Variants in EIF2AK3 observed in about 807,000 individuals in gnomAD.
The protein encoded by EIF2AK3 is eukaryotic translation initiation factor 2 alpha kinase 3, also known as eukaryotic translation initiation factor 2-alpha kinase 3.
Under a neutral mutation model 113.5 loss-of-function variants are expected in EIF2AK3, and 50 were observed. The ratio of observed to expected loss-of-function variants is 0.44; its 90% CI spans 0.35 to 0.56. The LOEUF (loss-of-function observed/expected upper bound fraction) is 0.56, where lower values mean the gene tolerates loss of function less well. Ranked by LOEUF, EIF2AK3 falls within the 20% of genes least tolerant of loss-of-function variation. The pLI, the probability that EIF2AK3 is intolerant of heterozygous loss-of-function variation, is 0.00. For missense variants in EIF2AK3, 1,185 were observed against 1,378.0 expected (o/e 0.86, Z 2.22); for synonymous variants, 448 against 495.4 (o/e 0.90, Z 1.27).
At chr2:88,627,567 T>C (rs1573432810), upstream of EIF2AK3, 1 of 353,404 alleles carries the variant, frequency 2.8e-6, no homozygotes, top group African/African-American at 2.1e-5. Context: ...TTGGGGAAGG[T>C]GGACTTTCCC....
At chr2:88,558,884 C>A in intron 16 of EIF2AK3, 33 bp downstream of exon 16, 1 of 1,524,982 alleles carries the variant, frequency 6.6e-7, no homozygotes, top group Non-Finnish European at 9.1e-7. Flanking sequence ...AAAGATGATT[C>A]TAAAGAAGAT....
At chr2:88,610,649 T>C (rs531422273) in intron 2 of EIF2AK3, among the ~76,000 whole-genome samples, 95 of 152,376 alleles carry the variant, frequency 6.2e-4, no homozygotes, top group Non-Finnish European at 1.1e-3. Context: ...TGTAAAATGC[T>C]ACTTTTCTCA....
At chr2:88,611,021 A>C (rs1675439956) in intron 2 of EIF2AK3, among the ~76,000 whole-genome samples, 1 of 152,216 alleles carries the variant, frequency 6.6e-6, no homozygotes, top group Non-Finnish European at 1.5e-5. Context: ...ATTGCACTCC[A>C]GCCTGATAAA....
chr2:88,627,496 C>T (rs572888553), upstream of EIF2AK3: 11 of 494,308 alleles, frequency 2.2e-5, no homozygotes, highest in African/African-American at 1.6e-4. Flanking sequence ...GCAAACTTTC[C>T]GCGCGTTTGC....
chr2:88,570,509 G>A (rs1218437991), intron 14 of EIF2AK3, among the ~76,000 whole-genome samples: 1 of 152,218 alleles, frequency 6.6e-6, no homozygotes, highest in Non-Finnish European at 1.5e-5. Flanking sequence ...GGGCAGCTCA[G>A]TATAGTACCT....
At chr2:88,614,015 A>C (rs981165383) in intron 1 of EIF2AK3, among the ~76,000 whole-genome samples, 162 bp from the exon 2 acceptor site, 1 of 152,198 alleles carries the variant, frequency 6.6e-6, no homozygotes, top group Non-Finnish European at 1.5e-5. Context: ...GGACCAAGAC[A>C]ATTTCAATAT....
rs182582042 is a variant in EIF2AK3, at chr2:88,588,933, T to C, written c.1166-32A>G. The C allele has an allele frequency of 2.4e-4, 388 of 1,609,996 alleles. 3 individuals carry two copies. In the African/African-American group the frequency reaches 4.0e-3, roughly 17 times the overall value. ...CAACCAGAACATTGTCAATTATGCA[T>C]TGATTTTTTTAAAAAGGTTTTTTTA... On this transcript the variant is annotated intron_variant, in intron 6 of 16. Transcript: ENST00000303236.
chr2:88,593,209 A>G lies in EIF2AK3; in HGVS notation c.767+63T>C. ...CAAAATCTCCACAAACAGAAATCTGATAAATTTTGGTATTAGGTGTATTTC... is the reference window on the plus strand; with the variant it reads ...CAAAATCTCCACAAACAGAAATCTGGTAAATTTTGGTATTAGGTGTATTTC... On this transcript the variant is annotated intron_variant, in intron 4 of 16. Transcript: ENST00000303236. 4 of 1,593,782 alleles carry G rather than the reference A, an allele frequency of 2.5e-6. No individual in the cohort carries two copies. The South Asian group carries it at 3.3e-5, about 13-fold the overall frequency.
chr2:88,595,206 CAAA>C (rs11339424), intron 3 of EIF2AK3, among the ~76,000 whole-genome samples: 1 of 59,450 alleles, frequency 1.7e-5, no homozygotes, highest in African/African-American at 7.0e-5. Context: ...GACTCTGTCT[CAAA>C]AAAAAAAAAA....
At position 88,579,529 on chromosome 2, in the gene EIF2AK3, A is replaced by G. The variant is rs1416401444; in HGVS notation, c.1875T>C (p.Arg625=). 3 of 1,613,722 alleles carry G rather than the reference A, an allele frequency of 1.9e-6. No homozygotes were observed. The highest frequency in any genetic ancestry group is 2.2e-5 in the East Asian group (1 of 44,820). Residue 625 remains arginine, a synonymous_variant, in exon 11 of 17, where the codon CGT becomes CGC. Transcript: ENST00000303236. ...GTACCACCCATTACCTATTGGGGAGACGGATCCTCTTGATAGCATAATTGC... is the reference window on the plus strand; with the variant it reads ...GTACCACCCATTACCTATTGGGGAGGCGGATCCTCTTGATAGCATAATTGC... ...DDCNYAIKRI[R]LPNRELAREK...
intron 2 of EIF2AK3, among the ~76,000 whole-genome samples, chr2:88,599,898 C>T (rs1440396189): frequency 1.3e-5 from 2 of 152,276 alleles, no homozygotes; most frequent in East Asian, 1.9e-4. Context: ...ACCAGCCAAT[C>T]AACCAACAGA....
chr2:88,569,347 A>AG (rs1265205552), intron 14 of EIF2AK3, among the ~76,000 whole-genome samples: 1 of 151,970 alleles, frequency 6.6e-6, no homozygotes, highest in Non-Finnish European at 1.5e-5. Flanking sequence ...AAAAAAAAAA[A>AG]CAAACAACAT....
intron 5 of EIF2AK3, 63 bp from the exon 6 acceptor site, chr2:88,590,668 T>G: frequency 6.3e-7 from 1 of 1,583,958 alleles, no homozygotes; most frequent in South Asian, 1.1e-5. Flanking sequence ...TTCCAACCCA[T>G]AAAATACCAT....
chr2:88,586,451 C>T (rs1674734248), intron 8 of EIF2AK3, among the ~76,000 whole-genome samples: 1 of 152,008 alleles, frequency 6.6e-6, no homozygotes, highest in Admixed American at 6.6e-5. Flanking sequence ...ACCAATCATT[C>T]TTCACAAAAT....
chr2:88,590,752 A>G, intron 5 of EIF2AK3, 66 bp downstream of exon 5: 5 of 1,590,150 alleles, frequency 3.1e-6, no homozygotes, highest in Non-Finnish European at 3.5e-6. Flanking sequence ...GTTCCACCCA[A>G]TCAATAAGTT....
At chr2:88,622,654 A>G (rs1675755638) in intron 1 of EIF2AK3, among the ~76,000 whole-genome samples, 1 of 152,238 alleles carries the variant, frequency 6.6e-6, no homozygotes, top group Non-Finnish European at 1.5e-5. Context: ...TTCTGTGTAA[A>G]TTCTTCCTTA....
rs1674408610 is a variant in EIF2AK3 at position 88,574,759 on chromosome 2, C to G, written c.2724G>C (p.Glu908Asp). ...TGTGCAGACACACGCTCCTCTCTCT[C>G]TCCTCTATGGTACATCGTCCATTCA... ...DWMNGRCTIE[E>D]RERSVCLHIF... Residue 908 changes from glutamate to aspartate, a missense_variant, in exon 13 of 17, where the codon GAG (glutamate) becomes GAC (aspartate). Glu to Asp is a conservative substitution (Grantham distance 45). Coordinates refer to ENST00000303236, the MANE Select transcript of EIF2AK3 (RefSeq NM_004836.7). The G allele has an allele frequency of 1.2e-6, 2 of 1,614,230 alleles. No homozygotes were observed. The highest frequency in any genetic ancestry group is 1.7e-6 in the Non-Finnish European group (2 of 1,180,044).
In EIF2AK3 at chr2:88,570,999, C is replaced by T; in HGVS notation, c.2860G>A (p.Gly954Arg). 1.9e-6 allele frequency: 3 copies of T among 1,614,140 alleles called. No homozygotes were observed. Among genetic ancestry groups the T allele is most frequent in the Non-Finnish European group, 2.5e-6 (3 of 1,180,034 alleles). Residue 954 changes from glycine (G) to arginine (R), a missense_variant, in exon 14 of 17, where the codon GGA (glycine) becomes AGA (arginine). Physicochemically the swap from Gly to Arg is moderately radical, Grantham distance 125 (BLOSUM62 -2). This residue lies in a region of EIF2AK3 where 877 missense variants were observed against 1,024.2 expected (regional missense o/e 0.86). Transcript: ENST00000303236. Reference protein sequence around the residue: ...FFTMDDVVKVGDFGLVTAMDQ... With the variant: ...FFTMDDVVKVRDFGLVTAMDQ... ...ATTGCAGTCACTAACCCAAAGTCTC[C>T]AACCTTGACCACATCATCCATTGTA...
intron 1 of EIF2AK3, among the ~76,000 whole-genome samples, chr2:88,625,207 G>A (rs1197878183): frequency 1.3e-5 from 2 of 149,572 alleles, no homozygotes; most frequent in Non-Finnish European, 3.0e-5. Context: ...ATATACAGTC[G>A]GCTCTAACCT....
Sources: allele counts gnomAD v4.1 joint callset (sites outside exome capture counted in the v4.1 genomes callset), GRCh38; gene constraint gnomAD v4.1.1; regional missense constraint gnomAD v4.1.1; transcripts MANE v1.5; gene names NCBI Gene and HGNC (gene_info 2026-07-23, HGNC 2026-07-21).